The following PPFIBP2 variants were observed in gnomAD, a reference collection of about 807,000 sequenced individuals.
PPFIBP2 encodes the protein liprin-beta-2.
A neutral mutation model predicts 118.3 loss-of-function variants in PPFIBP2; 118 were observed. That is an observed-to-expected ratio of 1.00 (90% CI 0.86 to 1.16). PPFIBP2 has a LOEUF of 1.16. Among genes scored for constraint, PPFIBP2 ranks in the 50% most tolerant of loss-of-function variants. The probability of loss-of-function intolerance (pLI) is 0.00; values close to 1 mark genes in which losing one functional copy is unlikely to be tolerated. For missense variants in PPFIBP2, 1,195 were observed against 1,073.1 expected (o/e 1.11, Z -1.59); for synonymous variants, 414 against 397.4 (o/e 1.04, Z -0.50).
At chr11:7,573,937 A>T (rs1319792736) in intron 3 of PPFIBP2, 1 of 152,176 alleles carries the variant, frequency 6.6e-6, no homozygotes, top group Non-Finnish European at 1.5e-5. Flanking sequence ...GATGCTGCTG[A>T]TTTCTGGTAG....
At chr11:7,579,708 C>T (rs531815370) in intron 3 of PPFIBP2, among the ~76,000 whole-genome samples, 67 of 152,272 alleles carry the variant, frequency 4.4e-4, no homozygotes, top group Middle Eastern at 3.4e-3. Context: ...TGTCCCAAGA[C>T]CCAGGGTATG....
chr11:7,665,649 C>T, the PPFIBP2 span: 1 of 1,316,372 alleles, frequency 7.6e-7, no homozygotes, highest in East Asian at 2.5e-5. Flanking sequence ...AGGTGACAAG[C>T]TGCTCTACAA....
intron 3 of PPFIBP2, among the ~76,000 whole-genome samples, chr11:7,577,938 C>T (rs1240396663): frequency 2.6e-5 from 4 of 152,154 alleles, no homozygotes; most frequent in East Asian, 1.9e-4. Context: ...CTCCAAACAC[C>T]GTGACCAGAA....
chr11:7,645,367 C>T (rs1215829233), intron 17 of PPFIBP2, among the ~76,000 whole-genome samples: 2 of 152,204 alleles, frequency 1.3e-5, no homozygotes, highest in African/African-American at 4.8e-5. Flanking sequence ...TCTGTACTCA[C>T]TAATGAACTG....
Position 7,653,304 on chromosome 11 carries a change from C to T in PPFIBP2, c.*86C>T, listed in dbSNP as rs551209050. 30 of 1,575,980 alleles carry T rather than the reference C, an allele frequency of 1.9e-5. No individual in the cohort carries two copies. The African/African-American group carries it at 3.1e-4, about 16-fold the overall frequency. ...CATATAACTGCACCTCACCCCCGCA[C>T]GTGTGCATGACTCGCAGAGAATATT... On this transcript the variant is annotated 3_prime_UTR_variant, in exon 24 of 24. Transcript: ENST00000299492.
intron 22 of PPFIBP2, chr11:7,651,405 G>C: frequency 2.3e-6 from 1 of 443,846 alleles, no homozygotes; most frequent in East Asian, 3.4e-5. Context: ...CTGAGAGACA[G>C]CCTCACCAAA....
At chr11:7,648,290 G>GTT (rs1565122600) in intron 17 of PPFIBP2, 97 bp from the exon 18 acceptor site, 6 of 1,402,830 alleles carry the variant, frequency 4.3e-6, no homozygotes, top group Non-Finnish European at 1.9e-6. Flanking sequence ...TTTTTGTTTT[G>GTT]TTTTTTCTTT....
At chr11:7,554,466 G>A (rs147020909) in intron 2 of PPFIBP2, among the ~76,000 whole-genome samples, 1 of 152,256 alleles carries the variant, frequency 6.6e-6, no homozygotes, top group African/African-American at 2.4e-5. Flanking sequence ...CAATGTTTAT[G>A]TAATTAAGCT....
At chr11:7,623,344 A>T (rs76342875) in intron 7 of PPFIBP2, among the ~76,000 whole-genome samples, 2 of 152,146 alleles carry the variant, frequency 1.3e-5, no homozygotes, top group South Asian at 2.1e-4. Flanking sequence ...CTGCATAGCT[A>T]TCTCAGACCT....
At chr11:7,618,583 TA>T (rs1309809961) in intron 6 of PPFIBP2, among the ~76,000 whole-genome samples, 1 of 152,208 alleles carries the variant, frequency 6.6e-6, no homozygotes, top group Non-Finnish European at 1.5e-5. Context: ...GCAGGGCCAA[TA>T]ATGTCCTCAG....
chr11:7,558,538 G>A (rs1392898002), intron 2 of PPFIBP2, among the ~76,000 whole-genome samples: 2 of 152,040 alleles, frequency 1.3e-5, no homozygotes, highest in Non-Finnish European at 2.9e-5. Context: ...GGCAGATCAC[G>A]AGGTCAGGAG....
At chr11:7,665,767 C>T in the PPFIBP2 span, 2 of 1,414,966 alleles carry the variant, frequency 1.4e-6, no homozygotes, top group Non-Finnish European at 1.9e-6. Flanking sequence ...GACCCTGAAG[C>T]CCTGCTGCTG....
chr11:7,586,486 A>C (rs1353957510), intron 3 of PPFIBP2, among the ~76,000 whole-genome samples: 1 of 152,232 alleles, frequency 6.6e-6, no homozygotes, highest in Non-Finnish European at 1.5e-5. Context: ...AGGAATTTTT[A>C]GAGCACCCTA....
intron 3 of PPFIBP2, chr11:7,576,294 G>C (rs1359764603): frequency 6.6e-6 from 1 of 152,308 alleles, no homozygotes; most frequent in Non-Finnish European, 1.5e-5. Flanking sequence ...TGTAACCACA[G>C]TTCCCACCGC....
rs112603422 is a variant in PPFIBP2 at position 7,644,834 on chromosome 11, C to T, written c.1646+2408C>T. ...CGAGGTCAGGAGATCGAGACCATCC[C>T]GGCTAAAACGGTGAAACCCCGTCTC... is the stretch of plus-strand genomic sequence containing the variant. On this transcript the variant is annotated intron_variant, in intron 17 of 23. Transcript: ENST00000299492. 1.8e-4 allele frequency among the ~76,000 whole-genome samples: 27 copies of T among 151,216 alleles called. No individual in the cohort carries two copies. The South Asian group carries it at 2.3e-3, about 13-fold the overall frequency.
chr11:7,610,649 C>G, intron 6 of PPFIBP2: 1 of 447,574 alleles, frequency 2.2e-6, no homozygotes, highest in Non-Finnish European at 4.0e-6. Flanking sequence ...TATCTGCCCT[C>G]AAACTGCTGA....
chr11:7,524,295 G>A (rs576435759), intron 1 of PPFIBP2, among the ~76,000 whole-genome samples: 31 of 152,192 alleles, frequency 2.0e-4, no homozygotes, highest in African/African-American at 7.5e-4. Flanking sequence ...TATCTTCAGG[G>A]GCAACAGTTT....
intron 17 of PPFIBP2, among the ~76,000 whole-genome samples, chr11:7,644,759 G>A (rs952978348): frequency 2.6e-5 from 4 of 152,054 alleles, no homozygotes; most frequent in African/African-American, 9.7e-5. Flanking sequence ...CGGGCGCGGT[G>A]GCTCACGCCT....
chr11:7,651,640 T>G lies in PPFIBP2; in HGVS notation c.2248-16T>G. 1 of 1,589,468 alleles carries G rather than the reference T, an allele frequency of 6.3e-7. No individual in the cohort carries two copies. On this transcript the variant is annotated splice_polypyrimidine_tract_variant and intron_variant, in intron 22 of 23. Coordinates refer to ENST00000299492, the MANE Select transcript of PPFIBP2 (RefSeq NM_003621.5). ...GTATTTGCTCCTGGCCAGGCTTGTC[T>G]CTGGTTCCTTCTTAGATCCTGGAGC...
Sources: allele counts gnomAD v4.1 joint callset (sites outside exome capture counted in the v4.1 genomes callset), GRCh38; gene constraint gnomAD v4.1.1; transcripts MANE v1.5; gene names NCBI Gene and HGNC (gene_info 2026-07-23, HGNC 2026-07-21).